The following JAZF1 variants were observed in gnomAD, a reference collection of about 807,000 sequenced individuals.
JAZF1 encodes juxtaposed with another zinc finger protein 1.
Under a neutral mutation model 26.4 loss-of-function variants are expected in JAZF1, and 8 were observed. That is an observed-to-expected ratio of 0.30 (90% CI 0.18 to 0.55). The LOEUF is 0.55. JAZF1 is among the 20% of genes least tolerant of loss of function. JAZF1 has a pLI of 0.94. For missense variants in JAZF1, 199 were observed against 322.0 expected, an observed-to-expected ratio of 0.62 and a Z score of 2.92; for synonymous variants, 126 against 122.3, an observed-to-expected ratio of 1.03 and a Z score of -0.20.
chr7:28,168,309 G>C (rs1035176488), intron 1 of JAZF1, among the ~76,000 whole-genome samples: 12 of 151,020 alleles, frequency 7.9e-5, no homozygotes, highest in African/African-American at 2.9e-4. Flanking sequence ...GTGAACCCAG[G>C]AGGTGGAGTT....
In JAZF1 at chr7:27,886,395, C is replaced by T. The variant is rs80177572; in HGVS notation, c.385+8825G>A. On this transcript the variant is annotated intron_variant, in intron 3 of 4. Coordinates refer to ENST00000283928, the MANE Select transcript of JAZF1 (RefSeq NM_175061.4). ...GCATACCACCTTTAGTCAACACATC[C>T]AGGTCTGCTCACTAATTCCCTAACC... Among the ~76,000 whole-genome samples, 1,275 of 152,314 alleles carry T rather than the reference C, an allele frequency of 8.4e-3. 8 individuals are homozygous for T. The highest frequency in any genetic ancestry group is 0.014 in the Admixed American group (215 of 15,310).
chr7:28,044,738 A>G (rs1783465842), intron 1 of JAZF1, among the ~76,000 whole-genome samples: 1 of 152,212 alleles, frequency 6.6e-6, no homozygotes, highest in South Asian at 2.1e-4. Flanking sequence ...GGTGATACTA[A>G]CAGTGTGACA....
rs898857021 is a variant in JAZF1 at position 28,021,207 on chromosome 7, C to G, written c.116-29226G>C. Among the ~76,000 whole-genome samples, 6 of 152,196 alleles carry G rather than the reference C, an allele frequency of 3.9e-5. No individual in the cohort carries two copies. In the South Asian group the frequency reaches 1.2e-3, roughly 32 times the overall value. On this transcript the variant is annotated intron_variant, in intron 1 of 4. Coordinates refer to ENST00000283928, the MANE Select transcript of JAZF1 (RefSeq NM_175061.4). ...CTTGCAGGAGACATCAGGAAAGACTCCCATGGGAGAGCAGCATTTTTTCTT... is the reference window on the plus strand; with the variant it reads ...CTTGCAGGAGACATCAGGAAAGACTGCCATGGGAGAGCAGCATTTTTTCTT...
chr7:27,988,375 ATTTTT>A (rs761244185), intron 2 of JAZF1, among the ~76,000 whole-genome samples: 1 of 141,856 alleles, frequency 7.0e-6, no homozygotes, highest in African/African-American at 2.6e-5. Context: ...TAAATTGTAA[ATTTTT>A]TTTTTTTTTT....
At chr7:27,855,648 C>T (rs887987960) in intron 3 of JAZF1, among the ~76,000 whole-genome samples, 3 of 152,162 alleles carry the variant, frequency 2.0e-5, no homozygotes, top group Non-Finnish European at 2.9e-5. Context: ...ATACACCCTT[C>T]CAAGACTAAA....
At chr7:27,931,201 A>C (rs1309405767) in intron 2 of JAZF1, among the ~76,000 whole-genome samples, 1 of 152,228 alleles carries the variant, frequency 6.6e-6, no homozygotes, top group Non-Finnish European at 1.5e-5. Flanking sequence ...TTCTGCTGCA[A>C]TGACTTCACT....
At chr7:27,836,304 G>C (rs926294021) in intron 4 of JAZF1, among the ~76,000 whole-genome samples, 2 of 88,320 alleles carry the variant, frequency 2.3e-5, no homozygotes, top group Non-Finnish European at 5.0e-5. Context: ...GTAGAAAGGA[G>C]AACTTAGGTG....
chr7:28,079,308 A>C (rs1185729142), intron 1 of JAZF1, among the ~76,000 whole-genome samples: 1 of 152,108 alleles, frequency 6.6e-6, no homozygotes, highest in Admixed American at 6.5e-5. Context: ...GCATAATTTA[A>C]AAGATGTACC....
intron 1 of JAZF1, among the ~76,000 whole-genome samples, chr7:28,073,985 A>C (rs931386923): frequency 1.3e-5 from 2 of 152,204 alleles, no homozygotes; most frequent in African/African-American, 4.8e-5. Context: ...TAGTTAAAAA[A>C]AAAAAAATCA....
rs144447220 is a variant in JAZF1 at position 27,929,794 on chromosome 7, C to T, written c.189-34378G>A. ...TATTATTCCTAAGACAGTATAATAG[C>T]AATTTTTAAAAATGCATGTAATATA... On this transcript the variant is annotated intron_variant, in intron 2 of 4. Coordinates refer to ENST00000283928, the MANE Select transcript of JAZF1 (RefSeq NM_175061.4). Among the ~76,000 whole-genome samples the T allele has an allele frequency of 6.8e-3, 1,039 of 152,120 alleles. 18 individuals carry two copies. The highest frequency in any genetic ancestry group is 0.024 in the African/African-American group (979 of 41,498).
At chr7:28,110,804 C>A (rs996128671) in intron 1 of JAZF1, among the ~76,000 whole-genome samples, 1 of 152,148 alleles carries the variant, frequency 6.6e-6, no homozygotes, top group Admixed American at 6.5e-5. Context: ...GCCCACATGG[C>A]TGGCCACAGG....
intron 1 of JAZF1, among the ~76,000 whole-genome samples, chr7:28,021,232 T>G (rs116210914): frequency 0.01 from 1,535 of 152,240 alleles, 27 homozygotes; most frequent in African/African-American, 0.035. Context: ...CATTTTTTCT[T>G]TTAGGATGAG....
intron 3 of JAZF1, among the ~76,000 whole-genome samples, chr7:27,857,933 A>T (rs558255886): frequency 1.2e-4 from 19 of 152,338 alleles, no homozygotes; most frequent in African/African-American, 4.6e-4. Flanking sequence ...AGGGTATTCA[A>T]ATAGGAAGAG....
intron 1 of JAZF1, among the ~76,000 whole-genome samples, chr7:28,054,575 G>C (rs953135718): frequency 6.6e-6 from 1 of 152,172 alleles, no homozygotes; most frequent in East Asian, 1.9e-4. Context: ...TTTGCAGTCT[G>C]TTTGGGTATG....
intron 2 of JAZF1, among the ~76,000 whole-genome samples, chr7:27,945,168 G>A (rs1322532315): frequency 6.6e-6 from 1 of 152,090 alleles, no homozygotes; most frequent in African/African-American, 2.4e-5. Flanking sequence ...CAGGGCCGGG[G>A]TTTAAGCACA....
chr7:28,012,289 C>T (rs566898844), intron 1 of JAZF1, among the ~76,000 whole-genome samples: 3 of 152,224 alleles, frequency 2.0e-5, no homozygotes, highest in Admixed American at 6.5e-5. Flanking sequence ...GAAAACAGGT[C>T]GCTTCTATTT....
chr7:27,920,570 T>G (rs1208764119), intron 2 of JAZF1, among the ~76,000 whole-genome samples: 1 of 152,178 alleles, frequency 6.6e-6, no homozygotes, highest in Non-Finnish European at 1.5e-5. Context: ...GAAAAAACTT[T>G]GTTCTAGTGA....
intron 1 of JAZF1, among the ~76,000 whole-genome samples, chr7:28,019,549 C>T (rs1782967688): frequency 6.6e-6 from 1 of 152,102 alleles, no homozygotes; most frequent in African/African-American, 2.4e-5. Flanking sequence ...TTTGCTGCCC[C>T]TCCAACCACT....
chr7:28,158,151 A>ACG (rs1783218062), intron 1 of JAZF1, among the ~76,000 whole-genome samples: 1 of 101,758 alleles, frequency 9.8e-6, no homozygotes, highest in Non-Finnish European at 2.0e-5. Flanking sequence ...ACACGCGCGC[A>ACG]CACACACACA....
Sources: allele counts gnomAD v4.1 joint callset (sites outside exome capture counted in the v4.1 genomes callset), GRCh38; gene constraint gnomAD v4.1.1; transcripts MANE v1.5; gene names NCBI Gene and HGNC (gene_info 2026-07-23, HGNC 2026-07-21).